The following FRMD3 variants were observed in gnomAD, a reference collection of about 807,000 sequenced individuals.
FRMD3 encodes the protein FERM domain containing 3.
In FRMD3, 33 loss-of-function variants were observed where a neutral mutation model predicts 70.2. That is an observed-to-expected ratio of 0.47 (90% CI 0.36 to 0.63). The LOEUF (loss-of-function observed/expected upper bound fraction) is 0.63, where lower values mean the gene tolerates loss of function less well. Ranked by LOEUF, FRMD3 falls within the 20% of genes least tolerant of loss-of-function variation. The probability of loss-of-function intolerance (pLI) is 0.00; values close to 1 mark genes in which losing one functional copy is unlikely to be tolerated. For synonymous variants in FRMD3, 279 were observed against 255.9 expected (o/e 1.09, Z -0.86); for missense variants, 632 against 711.4 (o/e 0.89, Z 1.27).
chr9:83,352,870 T>C (rs1824207710), intron 3 of FRMD3, among the ~76,000 whole-genome samples: 1 of 152,152 alleles, frequency 6.6e-6, no homozygotes, highest in Admixed American at 6.5e-5. Flanking sequence ...TTAATTCTTT[T>C]CATATCTGCT....
intron 13 of FRMD3, among the ~76,000 whole-genome samples, chr9:83,281,063 C>T (rs1251714011): frequency 6.6e-6 from 1 of 152,124 alleles, no homozygotes; most frequent in East Asian, 1.9e-4. Context: ...ACACACTGCC[C>T]AACACTTTCT....
intron 5 of FRMD3, among the ~76,000 whole-genome samples, chr9:83,338,628 A>C (rs1243162028): frequency 6.6e-6 from 1 of 152,218 alleles, no homozygotes; most frequent in Non-Finnish European, 1.5e-5. Context: ...AGGGAATACA[A>C]TGAGTTCTAT....
intron 7 of FRMD3, 132 bp from the exon 8 acceptor site, chr9:83,312,107 C>T: frequency 2.9e-6 from 2 of 684,464 alleles, no homozygotes; most frequent in Admixed American, 6.4e-5. Context: ...TAGCAATAAA[C>T]TAAGTTTCTG....
intron 1 of FRMD3, among the ~76,000 whole-genome samples, chr9:83,470,339 G>C (rs1157359351): frequency 6.6e-6 from 1 of 152,062 alleles, no homozygotes; most frequent in Non-Finnish European, 1.5e-5. Context: ...TGTTGATCTG[G>C]GCTGCAGTCC....
chr9:83,407,867 C>CA (rs1554700549), intron 1 of FRMD3, among the ~76,000 whole-genome samples: 10 of 121,662 alleles, frequency 8.2e-5, no homozygotes, highest in South Asian at 7.4e-4. Context: ...CTCTCTCTCT[C>CA]TCTCTCATCT....
chr9:83,309,435 A>G, intron 10 of FRMD3, 101 bp downstream of exon 10: 2 of 680,450 alleles, frequency 2.9e-6, no homozygotes. Flanking sequence ...TATAACTTTT[A>G]AAACTGTATT....
intron 13 of FRMD3, among the ~76,000 whole-genome samples, chr9:83,278,712 C>T (rs1833872216): frequency 6.6e-6 from 1 of 152,128 alleles, no homozygotes; most frequent in Admixed American, 6.5e-5. Context: ...TCCCCAGCCA[C>T]AGGGTCAGAG....
At chr9:83,298,279 T>C (rs1383562672) in intron 12 of FRMD3, among the ~76,000 whole-genome samples, 2 of 152,218 alleles carry the variant, frequency 1.3e-5, no homozygotes, top group Non-Finnish European at 2.9e-5. Flanking sequence ...GTCACCTTAA[T>C]GGAGGTGTGT....
At chr9:83,469,813 G>A (rs1828224364) in intron 1 of FRMD3, among the ~76,000 whole-genome samples, 1 of 152,204 alleles carries the variant, frequency 6.6e-6, no homozygotes. Flanking sequence ...CATGCAGCCA[G>A]TGTCTTCTCA....
At chr9:83,256,042 A>G (rs1832692299) in intron 13 of FRMD3, among the ~76,000 whole-genome samples, 1 of 152,204 alleles carries the variant, frequency 6.6e-6, no homozygotes, top group Non-Finnish European at 1.5e-5. Context: ...GTATGGAACC[A>G]AAAAGAGCCC....
At chr9:83,506,011 C>T (rs1320693505) in intron 1 of FRMD3, among the ~76,000 whole-genome samples, 1 of 152,144 alleles carries the variant, frequency 6.6e-6, no homozygotes, top group Admixed American at 6.5e-5. Flanking sequence ...TGCACCAACG[C>T]CCCATGAACA....
At chr9:83,521,981 G>A (rs184456946) in intron 1 of FRMD3, among the ~76,000 whole-genome samples, 6 of 152,268 alleles carry the variant, frequency 3.9e-5, no homozygotes, top group Admixed American at 1.3e-4. Context: ...TCCCAGGCTG[G>A]ATTAGGGCCC....
At chr9:83,339,902 C>A (rs1417986791) in intron 5 of FRMD3, among the ~76,000 whole-genome samples, 2 of 152,086 alleles carry the variant, frequency 1.3e-5, no homozygotes, top group Non-Finnish European at 2.9e-5. Flanking sequence ...GAATCAGGCA[C>A]AATCATTTAA....
At chr9:83,554,462 G>C in the FRMD3 span, among the ~76,000 whole-genome samples, 2 of 152,232 alleles carry the variant, frequency 1.3e-5, no homozygotes, top group African/African-American at 4.8e-5. Context: ...ACCCCAGAGA[G>C]ATGCTGGTCA....
chr9:83,471,285 A>G (rs866772078), intron 1 of FRMD3, among the ~76,000 whole-genome samples: 33 of 152,348 alleles, frequency 2.2e-4, no homozygotes, highest in African/African-American at 7.5e-4. Flanking sequence ...ATTCTGGGCA[A>G]CTTGTAAATT....
In FRMD3 at chr9:83,313,732, T is replaced by A; in HGVS notation, c.612A>T (p.Pro204=). 1 of 1,614,048 alleles carries A rather than the reference T, an allele frequency of 6.2e-7. No individual in the cohort carries two copies. The highest frequency in any genetic ancestry group is 1.1e-5 in the South Asian group (1 of 91,078). Residue 204 remains proline, a synonymous_variant, in exon 7 of 14, where the codon CCA becomes CCT. Transcript: ENST00000304195. The part of the protein sequence containing the change: ...HKNELRGQSP[P]VAEFNLLLKA... ...TCAGGAGCAAGTTAAATTCAGCAAC[T>A]GGTGGGCTCTGCCCCCTAAAATCAC...
chr9:83,463,345 A>G (rs1828029644), intron 1 of FRMD3, among the ~76,000 whole-genome samples: 1 of 152,244 alleles, frequency 6.6e-6, no homozygotes, highest in Non-Finnish European at 1.5e-5. Flanking sequence ...TATAAAGGAA[A>G]GAGGTTTAAT....
the FRMD3 span, among the ~76,000 whole-genome samples, chr9:83,568,783 T>G: frequency 6.6e-6 from 1 of 152,278 alleles, no homozygotes; most frequent in South Asian, 2.1e-4. Context: ...AAATTTCAGA[T>G]GTCTCAGTGT....
intron 2 of FRMD3, among the ~76,000 whole-genome samples, chr9:83,377,327 G>A (rs572386201): frequency 1.3e-5 from 2 of 152,260 alleles, no homozygotes; most frequent in South Asian, 2.1e-4. Flanking sequence ...TAATAGGAGA[G>A]GGAAACACAC....
Sources: allele counts gnomAD v4.1 joint callset (sites outside exome capture counted in the v4.1 genomes callset), GRCh38; gene constraint gnomAD v4.1.1; transcripts MANE v1.5; gene names NCBI Gene and HGNC (gene_info 2026-07-23, HGNC 2026-07-21).